The following ARHGAP6 variants were observed in gnomAD, a reference collection of about 807,000 sequenced individuals.
The protein encoded by ARHGAP6 is Rho GTPase activating protein 6.
A neutral mutation model predicts 55.7 loss-of-function variants in ARHGAP6; 16 were observed. The ratio of observed to expected loss-of-function variants is 0.29; its 90% CI spans 0.19 to 0.44. ARHGAP6 has a LOEUF of 0.44. ARHGAP6 is among the 20% of genes least tolerant of loss of function. ARHGAP6 has a pLI of 1.00. For missense variants in ARHGAP6, 698 were observed against 808.9 expected (o/e 0.86, Z 1.66); for synonymous variants, 382 against 360.9 (o/e 1.06, Z -0.66).
intron 1 of ARHGAP6, among the ~76,000 whole-genome samples, chrX:11,379,773 C>T (rs1315072090): frequency 1.8e-5 from 2 of 110,650 alleles, no homozygotes; most frequent in South Asian, 7.8e-4. Context: ...AGATCATCCT[C>T]TGGCCAGAGT....
chrX:11,284,124 T>C (rs1428223410), intron 1 of ARHGAP6, among the ~76,000 whole-genome samples: 1 of 111,836 alleles, frequency 8.9e-6, no homozygotes, highest in East Asian at 2.8e-4. Context: ...AGTCATGTGA[T>C]TTCTAGCAAG....
chrX:11,159,459 G>A (rs1271675843), intron 9 of ARHGAP6, among the ~76,000 whole-genome samples: 1 of 110,688 alleles, frequency 9.0e-6, no homozygotes, highest in Non-Finnish European at 1.9e-5. Flanking sequence ...TGAGGATAGA[G>A]GTAATAGCAT....
chrX:11,144,477 CAAT>C (rs1194107562), intron 10 of ARHGAP6, among the ~76,000 whole-genome samples: 1 of 112,185 alleles, frequency 8.9e-6, no homozygotes, highest in East Asian at 2.8e-4. Context: ...CAGGAAAAGG[CAAT>C]GATGGAGAAG....
intron 1 of ARHGAP6, among the ~76,000 whole-genome samples, chrX:11,387,975 C>A (rs1283386258): frequency 1.8e-5 from 2 of 111,917 alleles, no homozygotes; most frequent in Admixed American, 9.5e-5. Flanking sequence ...TGGGTTGGTT[C>A]CAAGTCTTTG....
At chrX:11,469,637 T>C (rs908919208) in intron 1 of ARHGAP6, among the ~76,000 whole-genome samples, 1 of 108,475 alleles carries the variant, frequency 9.2e-6, no homozygotes, top group African/African-American at 3.4e-5. Context: ...TGGGACCTCT[T>C]TGCAACCCAG....
At chrX:11,432,948 C>T (rs759123041) in intron 1 of ARHGAP6, among the ~76,000 whole-genome samples, 1 of 112,845 alleles carries the variant, frequency 8.9e-6, no homozygotes, top group African/African-American at 3.2e-5. Flanking sequence ...CAGGAATTAT[C>T]ATTTTACTCT....
intron 1 of ARHGAP6, among the ~76,000 whole-genome samples, chrX:11,620,854 C>T (rs1485427279): frequency 8.9e-6 from 1 of 111,939 alleles, no homozygotes; most frequent in African/African-American, 3.2e-5. Flanking sequence ...CAGCTCTACA[C>T]AACAAAGAAT....
intron 1 of ARHGAP6, among the ~76,000 whole-genome samples, chrX:11,342,474 T>C (rs1160794050): frequency 8.9e-6 from 1 of 112,400 alleles, no homozygotes; most frequent in Non-Finnish European, 1.9e-5. Flanking sequence ...CTGAAATATA[T>C]AATTTGAAAT....
intron 1 of ARHGAP6, among the ~76,000 whole-genome samples, chrX:11,368,548 T>C (rs909167897): frequency 8.9e-6 from 1 of 112,031 alleles, no homozygotes; most frequent in Non-Finnish European, 1.9e-5. Flanking sequence ...CCTGCCTTAA[T>C]TATCACATTT....
rs12690032 is a variant in ARHGAP6 at position 11,359,093 on chromosome X, G to C, written c.589-104386C>G. On this transcript the variant is annotated intron_variant, in intron 1 of 12. Coordinates refer to ENST00000337414, the MANE Select transcript of ARHGAP6 (RefSeq NM_013427.3). ...ATAACTCTTTGTTATAATATTATCTGTTATGGCATCTCCTTATAAAGCAAA... is the reference window on the plus strand; with the variant it reads ...ATAACTCTTTGTTATAATATTATCTCTTATGGCATCTCCTTATAAAGCAAA... 6.3e-5 allele frequency among the ~76,000 whole-genome samples: 7 copies of C among 111,856 alleles called. No individual in the cohort carries two copies. In the East Asian group the frequency reaches 2.0e-3, roughly 31 times the overall value.
At chrX:11,395,178 G>A (rs1455270974) in intron 1 of ARHGAP6, among the ~76,000 whole-genome samples, 1 of 111,424 alleles carries the variant, frequency 9.0e-6, no homozygotes, top group Non-Finnish European at 1.9e-5. Context: ...ATGGACTAAG[G>A]GCAATCAAAA....
chrX:11,640,838 C>T (rs1344005697), intron 1 of ARHGAP6, among the ~76,000 whole-genome samples: 2 of 111,587 alleles, frequency 1.8e-5, no homozygotes, highest in Non-Finnish European at 3.8e-5. Flanking sequence ...CCCAAATTCT[C>T]CCTTATCTAA....
rs757165068 is a variant in ARHGAP6 at position 11,326,709 on chromosome X, A to G, written c.589-72002T>C. Among the ~76,000 whole-genome samples the G allele has an allele frequency of 3.4e-4, 38 of 112,053 alleles. No homozygotes were observed. In the South Asian group the frequency reaches 0.014, roughly 42 times the overall value. On this transcript the variant is annotated intron_variant, in intron 1 of 12. Transcript: ENST00000337414. ...CTGTATTGCTTAGGAGGCACTATTA[A>G]AAAACAAACTTTTAACAGCCTTAAG...
chrX:11,564,215 G>A (rs1353997588), intron 1 of ARHGAP6, among the ~76,000 whole-genome samples: 1 of 111,448 alleles, frequency 9.0e-6, no homozygotes, highest in Non-Finnish European at 1.9e-5. Context: ...CTTTCTCTTT[G>A]CATGTTAATC....
chrX:11,514,161 C>CAAAAAAAAAAAAAAA (rs1156613318), intron 1 of ARHGAP6, among the ~76,000 whole-genome samples: 1 of 35,778 alleles, frequency 2.8e-5, no homozygotes, highest in African/African-American at 1.1e-4. Flanking sequence ...AACCCTGTCT[C>CAAAAAAAAAAAAAAA]AAAAAAAAAA....
At chrX:11,393,172 G>A (rs1013531699) in intron 1 of ARHGAP6, among the ~76,000 whole-genome samples, 4 of 111,277 alleles carry the variant, frequency 3.6e-5, no homozygotes, top group Non-Finnish European at 5.7e-5. Context: ...GAGAGTATAT[G>A]ATAATGATTA....
At chrX:11,333,997 G>T (rs922651084) in intron 1 of ARHGAP6, among the ~76,000 whole-genome samples, 6 of 111,436 alleles carry the variant, frequency 5.4e-5, no homozygotes, top group Non-Finnish European at 1.1e-4. Flanking sequence ...ATGGGGGAGA[G>T]TTTGGTTTAG....
intron 1 of ARHGAP6, among the ~76,000 whole-genome samples, chrX:11,580,407 C>T (rs1006741857): frequency 8.9e-6 from 1 of 111,808 alleles, no homozygotes; most frequent in Non-Finnish European, 1.9e-5. Flanking sequence ...GCCAGGGTCC[C>T]TCCCCTTTCT....
rs200670883 is a variant in ARHGAP6, at chrX:11,327,611, AT to A, written c.589-72905del. Among the ~76,000 whole-genome samples the A allele has an allele frequency of 6.5e-3, 722 of 111,647 alleles. 2 individuals carry two copies. The highest frequency in any genetic ancestry group is 0.019 in the Middle Eastern group (4 of 216). On this transcript the variant is annotated intron_variant, in intron 1 of 12. Coordinates refer to ENST00000337414, the MANE Select transcript of ARHGAP6 (RefSeq NM_013427.3). ...TTGAATACCAGCAATAAGCCAAAAA[AT>A]GTCACTCCTCCTAAACACAGATATT...
Sources: allele counts gnomAD v4.1 joint callset (sites outside exome capture counted in the v4.1 genomes callset), GRCh38; gene constraint gnomAD v4.1.1; transcripts MANE v1.5; gene names NCBI Gene and HGNC (gene_info 2026-07-23, HGNC 2026-07-21).